The following FSD1L variants were observed in gnomAD, a reference collection of about 807,000 sequenced individuals.
The protein encoded by FSD1L is FSD1-like protein.
FSD1L carries 45 observed loss-of-function variants against 71.6 expected under a neutral mutation model. The ratio of observed to expected loss-of-function variants is 0.63; its 90% CI spans 0.49 to 0.81. The LOEUF is 0.81. Ranked by LOEUF, FSD1L falls within the 30% of genes least tolerant of loss-of-function variation. The pLI, the probability that FSD1L is intolerant of heterozygous loss-of-function variation, is 0.00. For synonymous variants in FSD1L, 197 were observed against 207.2 expected (o/e 0.95, Z 0.42); for missense variants, 561 against 618.1 (o/e 0.91, Z 0.98).
upstream of FSD1L, among the ~76,000 whole-genome samples, chr9:105,443,325 A>ACTG (rs1554693623): frequency 9.9e-4 from 151 of 152,130 alleles, 1 homozygote; most frequent in African/African-American, 3.3e-3. Context: ...CAGATGAAAG[A>ACTG]CAGCTTTCAT....
chr9:105,462,898 G>C (rs1347305004), intron 2 of FSD1L, among the ~76,000 whole-genome samples: 1 of 150,910 alleles, frequency 6.6e-6, no homozygotes, highest in African/African-American at 2.4e-5. Context: ...AGCACTTTGG[G>C]AGGTTGAGGC....
intron 2 of FSD1L, 27 bp from the exon 3 acceptor site, chr9:105,464,209 G>T (rs1026938061): frequency 8.9e-7 from 1 of 1,128,688 alleles, no homozygotes; most frequent in African/African-American, 1.6e-5. Context: ...TTGAAATATA[G>T]TATTTTAATG....
chr9:105,450,160 G>C (rs1829900618), intron 1 of FSD1L, among the ~76,000 whole-genome samples: 2 of 152,256 alleles, frequency 1.3e-5, no homozygotes, highest in Admixed American at 1.3e-4. Flanking sequence ...GCCTCAAATA[G>C]TAATGATCTA....
chr9:105,470,271 T>A (rs1311486310), intron 4 of FSD1L, among the ~76,000 whole-genome samples: 2 of 152,160 alleles, frequency 1.3e-5, no homozygotes, highest in Non-Finnish European at 2.9e-5. Flanking sequence ...TTATATATAT[T>A]TTTTCTGTTC....
chr9:105,448,309 C>T (rs1163743319), intron 1 of FSD1L, 74 bp downstream of exon 1: 8 of 1,188,638 alleles, frequency 6.7e-6, no homozygotes, highest in African/African-American at 1.6e-5. Flanking sequence ...CGCCTGGGCC[C>T]GTGGGCTGTG....
chr9:105,451,059 ACGCCATT>A (rs1434020231), intron 1 of FSD1L, among the ~76,000 whole-genome samples: 1 of 151,864 alleles, frequency 6.6e-6, no homozygotes, highest in African/African-American at 2.4e-5. Context: ...TCCCAGGTTC[ACGCCATT>A]CTCCTGCCTC....
At chr9:105,488,781 A>T (rs538531293) in intron 7 of FSD1L, among the ~76,000 whole-genome samples, 1 of 145,210 alleles carries the variant, frequency 6.9e-6, no homozygotes, top group South Asian at 2.1e-4. Context: ...TTTTGGTGAG[A>T]TGTCTGTAAG....
chr9:105,528,744 C>T (rs1835688689), intron 10 of FSD1L, among the ~76,000 whole-genome samples: 1 of 152,036 alleles, frequency 6.6e-6, no homozygotes, highest in Non-Finnish European at 1.5e-5. Context: ...GTCTAAAATA[C>T]CAAAAGCAAT....
chr9:105,482,863 T>C (rs1383280618), intron 6 of FSD1L, among the ~76,000 whole-genome samples: 1 of 152,218 alleles, frequency 6.6e-6, no homozygotes, highest in Non-Finnish European at 1.5e-5. Context: ...GGATTTTTTT[T>C]CTCAACATTT....
At chr9:105,534,065 TACTC>T (rs1836106463) in intron 10 of FSD1L, among the ~76,000 whole-genome samples, 3 of 152,150 alleles carry the variant, frequency 2.0e-5, no homozygotes, top group Admixed American at 2.0e-4. Context: ...AGAGCAAAAA[TACTC>T]ACTGCTTATA....
At chr9:105,520,264 C>T (rs981943173) in intron 10 of FSD1L, 2 of 1,591,014 alleles carry the variant, frequency 1.3e-6, no homozygotes, top group Non-Finnish European at 1.7e-6. Context: ...GAAGAAGATG[C>T]ATTCATCCAG....
rs139618169 is a variant in FSD1L at position 105,548,868 on chromosome 9, G to GT, written c.*2391dup. 6.2e-3 allele frequency: 946 copies of GT among 152,102 alleles called. 14 individuals carry two copies. The highest frequency in any genetic ancestry group is 0.022 in the African/African-American group (894 of 41,532). The allele number at this position is 152,102 out of a possible 1,614,324, so 9.4% of individuals were successfully genotyped here. On this transcript the variant is annotated 3_prime_UTR_variant, in exon 14 of 14. Transcript: ENST00000481272. ...CTCTAAAATTAAAGAACAAGATGTGGTTTTTTGTTTAAGACGTTTTTAGTT... is the reference window on the plus strand; with the variant it reads ...CTCTAAAATTAAAGAACAAGATGTGGTTTTTTTGTTTAAGACGTTTTTAGTT...
At chr9:105,518,770 A>G (rs1834906116) in intron 10 of FSD1L, among the ~76,000 whole-genome samples, 2 of 152,218 alleles carry the variant, frequency 1.3e-5, no homozygotes, top group Non-Finnish European at 2.9e-5. Flanking sequence ...GCAACAGCAA[A>G]CAAATTCAAA....
upstream of FSD1L, among the ~76,000 whole-genome samples, chr9:105,443,310 G>T (rs1011319161): frequency 2.1e-5 from 3 of 145,000 alleles, no homozygotes; most frequent in African/African-American, 8.3e-5. Context: ...ATCCTACATT[G>T]GCAGCAGATG....
At chr9:105,463,838 GA>G (rs1281494396) in intron 2 of FSD1L, among the ~76,000 whole-genome samples, 1 of 152,084 alleles carries the variant, frequency 6.6e-6, no homozygotes, top group African/African-American at 2.4e-5. Flanking sequence ...AAATGTTGAT[GA>G]ATTTGTGTCT....
At chr9:105,489,753 G>A (rs1832796593) in intron 7 of FSD1L, among the ~76,000 whole-genome samples, 1 of 152,154 alleles carries the variant, frequency 6.6e-6, no homozygotes, top group Admixed American at 6.6e-5. Context: ...AGAATATGCG[G>A]TGTTAGGTTT....
intron 10 of FSD1L, chr9:105,521,860 C>T: frequency 6.2e-7 from 1 of 1,612,384 alleles, no homozygotes; most frequent in Admixed American, 1.7e-5. Flanking sequence ...ATAAACTCAT[C>T]AAATATATTT....
At chr9:105,518,193 C>T (rs1380562203) in intron 10 of FSD1L, among the ~76,000 whole-genome samples, 1 of 152,212 alleles carries the variant, frequency 6.6e-6, no homozygotes, top group Non-Finnish European at 1.5e-5. Flanking sequence ...GAGAATTAGA[C>T]TCCCATACAG....
intron 1 of FSD1L, among the ~76,000 whole-genome samples, chr9:105,457,075 G>A (rs545805356): frequency 4.6e-5 from 7 of 151,788 alleles, no homozygotes; most frequent in African/African-American, 1.7e-4. Flanking sequence ...ATAAGGCTTT[G>A]ATTAGAAAAA....
Sources: allele counts gnomAD v4.1 joint callset (sites outside exome capture counted in the v4.1 genomes callset), GRCh38; gene constraint gnomAD v4.1.1; transcripts MANE v1.5; gene names NCBI Gene and HGNC (gene_info 2026-07-23, HGNC 2026-07-21).